Variants in CCDC3 observed in about 807,000 individuals in gnomAD.
The protein encoded by CCDC3 is coiled-coil domain-containing protein 3.
CCDC3 carries 24 observed loss-of-function variants against 21.4 expected under a neutral mutation model. The observed-to-expected ratio is 1.12, with a 90% CI of 0.81 to 1.58. The LOEUF (loss-of-function observed/expected upper bound fraction) is 1.58, where lower values mean the gene tolerates loss of function less well. Among genes scored for constraint, CCDC3 ranks in the 40% most tolerant of loss-of-function variants. The probability of loss-of-function intolerance (pLI) is 0.00; values close to 1 mark genes in which losing one functional copy is unlikely to be tolerated. For missense variants in CCDC3, 425 were observed against 360.9 expected, an observed-to-expected ratio of 1.18 and a Z score of -1.44; for synonymous variants, 186 against 166.0, an observed-to-expected ratio of 1.12 and a Z score of -0.93.
chr10:12,917,122 C>T (rs1834369357), intron 2 of CCDC3, among the ~76,000 whole-genome samples: 1 of 151,330 alleles, frequency 6.6e-6, no homozygotes, highest in African/African-American at 2.4e-5. Flanking sequence ...GATCTCTCTC[C>T]ATACTGTGCT....
intron 2 of CCDC3, among the ~76,000 whole-genome samples, chr10:12,959,713 C>T (rs1014004746): frequency 1.3e-5 from 2 of 152,152 alleles, no homozygotes; most frequent in African/African-American, 2.4e-5. Context: ...TAATCAGAGG[C>T]CCAGAGAGGG....
At chr10:13,006,181 G>C (rs1835922449), upstream of CCDC3, among the ~76,000 whole-genome samples, 1 of 152,252 alleles carries the variant, frequency 6.6e-6, no homozygotes, top group Non-Finnish European at 1.5e-5. Flanking sequence ...AAATGTGATA[G>C]AGAGCAGGAG....
intron 3 of CCDC3, among the ~76,000 whole-genome samples, chr10:13,091,170 C>T (rs78865682): frequency 0.032 from 4,814 of 152,262 alleles, 243 homozygotes; most frequent in African/African-American, 0.11. Context: ...GAGGGTGGGC[C>T]TGCCTCTCCC....
At chr10:12,901,783 G>C (rs1407840303) in intron 2 of CCDC3, among the ~76,000 whole-genome samples, 1 of 152,192 alleles carries the variant, frequency 6.6e-6, no homozygotes, top group African/African-American at 2.4e-5. Context: ...ATTGGACCCG[G>C]CCAACATCTC....
intron 3 of CCDC3, among the ~76,000 whole-genome samples, chr10:13,091,359 G>A (rs1832567580): frequency 6.6e-6 from 1 of 152,130 alleles, no homozygotes; most frequent in Admixed American, 6.5e-5. Flanking sequence ...TGAGATTAGT[G>A]CCCTCATGAA....
intron 2 of CCDC3, among the ~76,000 whole-genome samples, chr10:12,951,631 C>G (rs1194086549): frequency 6.6e-6 from 1 of 151,842 alleles, no homozygotes; most frequent in Non-Finnish European, 1.5e-5. Flanking sequence ...CAGTGAAACC[C>G]CGTCTCTAAC....
At chr10:13,056,218 A>G (rs888730042) in intron 4 of CCDC3, among the ~76,000 whole-genome samples, 2 of 152,150 alleles carry the variant, frequency 1.3e-5, no homozygotes, top group Non-Finnish European at 2.9e-5. Flanking sequence ...CAATTCCACC[A>G]TCTTCAGCCC....
chr10:12,923,835 G>C (rs2131219365), intron 2 of CCDC3, among the ~76,000 whole-genome samples: 1 of 152,244 alleles, frequency 6.6e-6, no homozygotes, highest in South Asian at 2.1e-4. Flanking sequence ...TGAGCATAAA[G>C]GTTTCAGACA....
chr10:12,968,341 T>C (rs968512126), intron 2 of CCDC3, among the ~76,000 whole-genome samples: 1 of 152,158 alleles, frequency 6.6e-6, no homozygotes, highest in Non-Finnish European at 1.5e-5. Flanking sequence ...GGATGATATA[T>C]TCAAAGTATT....
At chr10:12,929,011 C>T (rs1473962943) in intron 2 of CCDC3, among the ~76,000 whole-genome samples, 1 of 152,076 alleles carries the variant, frequency 6.6e-6, no homozygotes, top group Admixed American at 6.6e-5. Context: ...TGCCTGTAAT[C>T]CCAGCACTTT....
intron 2 of CCDC3, among the ~76,000 whole-genome samples, chr10:12,926,329 A>G (rs1834538536): frequency 6.6e-6 from 1 of 152,224 alleles, no homozygotes; most frequent in African/African-American, 2.4e-5. Context: ...ATATAGGCCA[A>G]GAACTGGTTG....
chr10:12,985,078 T>C (rs1330744965), intron 2 of CCDC3, among the ~76,000 whole-genome samples: 3 of 152,230 alleles, frequency 2.0e-5, no homozygotes, highest in Non-Finnish European at 4.4e-5. Flanking sequence ...TTTTTTTTAC[T>C]CTACCCAAAA....
intron 2 of CCDC3, among the ~76,000 whole-genome samples, chr10:12,984,158 G>A (rs982515557): frequency 2.6e-5 from 4 of 152,150 alleles, no homozygotes; most frequent in Non-Finnish European, 5.9e-5. Flanking sequence ...AATCATACAT[G>A]TGATAAGGGT....
chr10:13,093,158 G>A (rs969725450), intron 3 of CCDC3, among the ~76,000 whole-genome samples: 4 of 151,796 alleles, frequency 2.6e-5, no homozygotes, highest in African/African-American at 7.3e-5. Flanking sequence ...GATACTGGGT[G>A]ATTTATAAAG....
intron 2 of CCDC3, among the ~76,000 whole-genome samples, chr10:12,980,782 C>G (rs1835484907): frequency 6.6e-6 from 1 of 152,004 alleles, no homozygotes; most frequent in Admixed American, 6.5e-5. Context: ...ATTCAGACCC[C>G]ACGTCTGCAT....
intron 3 of CCDC3, among the ~76,000 whole-genome samples, chr10:13,081,162 GT>G (rs1339487993): frequency 2.2e-5 from 2 of 91,246 alleles, no homozygotes; most frequent in Non-Finnish European, 5.0e-5. Flanking sequence ...GAACTATAAA[GT>G]AAAAAAAAAA....
chr10:13,048,082 G>A (rs767958195), intron 5 of CCDC3, among the ~76,000 whole-genome samples: 1 of 152,166 alleles, frequency 6.6e-6, no homozygotes, highest in Non-Finnish European at 1.5e-5. Context: ...AACTATCTGC[G>A]GGGATGTTTT....
At chr10:12,973,172 G>A (rs1178602217) in intron 2 of CCDC3, among the ~76,000 whole-genome samples, 1 of 152,148 alleles carries the variant, frequency 6.6e-6, no homozygotes, top group African/African-American at 2.4e-5. Flanking sequence ...TAAGACCTGA[G>A]GGCTCTACTG....
intron 4 of CCDC3, among the ~76,000 whole-genome samples, chr10:13,070,718 G>A (rs539738137): frequency 4.6e-5 from 7 of 152,218 alleles, no homozygotes; most frequent in South Asian, 2.1e-4. Flanking sequence ...CATGAAAGCC[G>A]ATCTAAAAGG....
Sources: allele counts gnomAD v4.1 joint callset (sites outside exome capture counted in the v4.1 genomes callset), GRCh38; gene constraint gnomAD v4.1.1; transcripts MANE v1.5; gene names NCBI Gene and HGNC (gene_info 2026-07-23, HGNC 2026-07-21).